The following EGFLAM variants were observed in gnomAD, a reference collection of about 807,000 sequenced individuals.
EGFLAM encodes the protein EGF like, fibronectin type III and laminin G domains, also known as pikachurin.
A neutral mutation model predicts 113.1 loss-of-function variants in EGFLAM; 79 were observed. That is an observed-to-expected ratio of 0.70 (90% CI 0.58 to 0.84). EGFLAM has a LOEUF of 0.84. EGFLAM is among the 40% of genes least tolerant of loss of function. The pLI is 0.00. For missense variants in EGFLAM, 1,265 were observed against 1,291.6 expected, an observed-to-expected ratio of 0.98 and a Z score of 0.32; for synonymous variants, 504 against 487.6, an observed-to-expected ratio of 1.03 and a Z score of -0.44.
At chr5:38,371,162 G>T (rs182430377) in intron 6 of EGFLAM, among the ~76,000 whole-genome samples, 1 of 152,232 alleles carries the variant, frequency 6.6e-6, no homozygotes, top group East Asian at 1.9e-4. Flanking sequence ...GGGAGTGGAG[G>T]GTATATTTCT....
At chr5:38,462,037 G>A (rs1316001968) in intron 20 of EGFLAM, among the ~76,000 whole-genome samples, 1 of 152,110 alleles carries the variant, frequency 6.6e-6, no homozygotes, top group Non-Finnish European at 1.5e-5. Context: ...GCGAGGTGGC[G>A]GGCGCCTGTA....
At chr5:38,332,322 G>T (rs183866700) in intron 1 of EGFLAM, among the ~76,000 whole-genome samples, 2 of 152,088 alleles carry the variant, frequency 1.3e-5, no homozygotes, top group East Asian at 1.9e-4. Context: ...TACATGTGAA[G>T]GTTTGTTACA....
At chr5:38,439,646 G>A (rs1280247286) in intron 17 of EGFLAM, among the ~76,000 whole-genome samples, 1 of 152,200 alleles carries the variant, frequency 6.6e-6, no homozygotes, top group Admixed American at 6.5e-5. Context: ...AAATGAATTT[G>A]AAATCTACAT....
At chr5:38,278,669 AG>A (rs766896500) in intron 1 of EGFLAM, among the ~76,000 whole-genome samples, 1 of 152,038 alleles carries the variant, frequency 6.6e-6, no homozygotes, top group Non-Finnish European at 1.5e-5. Context: ...TTGTACTTTT[AG>A]TAGAGATGGG....
At chr5:38,437,829 A>C (rs1420354449) in intron 16 of EGFLAM, among the ~76,000 whole-genome samples, 1 of 152,166 alleles carries the variant, frequency 6.6e-6, no homozygotes, top group Non-Finnish European at 1.5e-5. Context: ...CAAGACTATG[A>C]AAGTAGAAAC....
chr5:38,401,640 T>A (rs760871598), intron 6 of EGFLAM, among the ~76,000 whole-genome samples: 5 of 152,020 alleles, frequency 3.3e-5, no homozygotes, highest in African/African-American at 4.8e-5. Flanking sequence ...ACTGTGGGAG[T>A]GTCTCCTGTC....
chr5:38,462,657 T>C lies in EGFLAM; in HGVS notation c.2772-251T>C, dbSNP rs377553892. 580 of 425,650 alleles carry C rather than the reference T, an allele frequency of 1.4e-3. 9 individuals are homozygous for C. The East Asian group carries it at 0.015, about 11-fold the overall frequency. 26.4% of individuals were successfully genotyped at this position (425,650 alleles called of 1,614,324 possible). On this transcript the variant is annotated intron_variant, in intron 20 of 21. Transcript: ENST00000322350. ...CCTCTGGTGTAATTCCACAGCACCC[T>C]TGTGGTCTTCGCCGTGGAGTGCTGG...
At chr5:38,358,796 A>G (rs1018771079) in intron 5 of EGFLAM, among the ~76,000 whole-genome samples, 1 of 152,146 alleles carries the variant, frequency 6.6e-6, no homozygotes, top group African/African-American at 2.4e-5. Context: ...CTTTATAGCC[A>G]TAGATTTTTA....
At chr5:38,370,052 C>T (rs915715064) in intron 5 of EGFLAM, among the ~76,000 whole-genome samples, 12 of 152,144 alleles carry the variant, frequency 7.9e-5, no homozygotes, top group Non-Finnish European at 1.2e-4. Flanking sequence ...CAAGGAAAAA[C>T]GGATTGTCTT....
chr5:38,435,381 A>C, intron 16 of EGFLAM, 128 bp downstream of exon 16: 1 of 742,352 alleles, frequency 1.3e-6, no homozygotes, highest in Non-Finnish European at 2.2e-6. Context: ...ATTTTTAAAA[A>C]TTTCTATTTT....
chr5:38,354,179 A>G (rs1739702856), intron 5 of EGFLAM, among the ~76,000 whole-genome samples: 1 of 152,124 alleles, frequency 6.6e-6, no homozygotes, highest in Admixed American at 6.5e-5. Flanking sequence ...AAAGCCCCAG[A>G]ACAATGCTTT....
chr5:38,427,135 G>A lies in EGFLAM; in HGVS notation c.1937G>A (p.Gly646Glu). The change falls in exon 14 of 22, where the codon GGA becomes GAA. Residue 646 changes from glycine (G) to glutamate (E), a missense_variant. Gly to Glu is a moderately conservative substitution (Grantham distance 98). Transcript: ENST00000322350. ...GAGATCACATTTCGGCCAGACTCAG[G>A]AGATGGTGTCCTCCTGTACAGCTAT... Reference protein sequence around the residue: ...EFEITFRPDSGDGVLLYSYDT... With the variant: ...EFEITFRPDSEDGVLLYSYDT... 6.2e-7 allele frequency: 1 copy of A among 1,614,124 alleles called. No homozygotes were observed. Among genetic ancestry groups the A allele is most frequent in the Non-Finnish European group, 8.5e-7 (1 of 1,180,034 alleles).
In EGFLAM at chr5:38,407,892, C is replaced by G. The variant is rs773421744; in HGVS notation, c.1235C>G (p.Thr412Ser). The G allele has an allele frequency of 3.7e-6, 6 of 1,611,514 alleles. No individual in the cohort carries two copies. The highest frequency in any genetic ancestry group is 8.5e-7 in the Non-Finnish European group (1 of 1,177,798). The change falls in exon 9 of 22, where the codon ACT (threonine) becomes AGT (serine). Residue 412 changes from threonine (T) to serine (S), a missense_variant. By Grantham distance (58) the Thr-to-Ser change is moderately conservative (BLOSUM62 1). Coordinates refer to ENST00000322350, the MANE Select transcript of EGFLAM (RefSeq NM_152403.4). ...LKNSYQAFQI[T>S]LEFRAEAEDG... ...AATTCTTATCAGGCATTTCAAATTA[C>G]TCTTGAATTTAGGGTAAGAGGGATG...
At chr5:38,370,192 A>G in intron 5 of EGFLAM, 104 bp from the exon 6 acceptor site, 1 of 1,170,280 alleles carries the variant, frequency 8.5e-7, no homozygotes, top group Non-Finnish European at 1.2e-6. Context: ...TTTTACAAGT[A>G]TTGCTTCCAG....
chr5:38,435,963 G>A (rs1742335077), intron 16 of EGFLAM, among the ~76,000 whole-genome samples: 1 of 151,868 alleles, frequency 6.6e-6, no homozygotes, highest in Non-Finnish European at 1.5e-5. Context: ...GATTACAGGT[G>A]CCTGCCACCA....
chr5:38,299,438 G>T (rs1182125779), intron 1 of EGFLAM, among the ~76,000 whole-genome samples: 1 of 152,176 alleles, frequency 6.6e-6, no homozygotes, highest in East Asian at 1.9e-4. Context: ...GTGGATGTTT[G>T]TTCCCTGCAA....
At chr5:38,460,113 A>C (rs1561108008) in intron 20 of EGFLAM, among the ~76,000 whole-genome samples, 1 of 152,226 alleles carries the variant, frequency 6.6e-6, no homozygotes, top group Non-Finnish European at 1.5e-5. Context: ...AGACATCCAA[A>C]GGAATATGAA....
intron 2 of EGFLAM, 30 bp from the exon 3 acceptor site, chr5:38,338,668 C>T (rs1392812224): frequency 6.2e-7 from 1 of 1,608,072 alleles, no homozygotes; most frequent in Non-Finnish European, 8.5e-7. Context: ...ACGGGCTCTG[C>T]TCTCACCAGG....
At chr5:38,418,039 A>G (rs1347058249) in intron 11 of EGFLAM, 27 bp from the exon 12 acceptor site, 3 of 1,598,708 alleles carry the variant, frequency 1.9e-6, no homozygotes, top group Non-Finnish European at 2.6e-6. Context: ...TAGTGAGAGT[A>G]TTCATGAGTG....
Sources: gnomAD v4.1 joint callset for allele counts (sites outside exome capture counted in the v4.1 genomes callset) on GRCh38, gnomAD v4.1.1 for gene constraint, MANE v1.5 for transcripts, NCBI Gene and HGNC (gene_info 2026-07-23, HGNC 2026-07-21) for gene names.